Variants in ANKRD33B observed in about 807,000 individuals in gnomAD.
ANKRD33B encodes ankyrin repeat domain-containing protein 33B.
A neutral mutation model predicts 21.5 loss-of-function variants in ANKRD33B; 6 were observed. The observed-to-expected ratio is 0.28, with a 90% CI of 0.15 to 0.55. The LOEUF is 0.55. Among genes scored for constraint, ANKRD33B ranks in the 20% least tolerant of loss-of-function variants. ANKRD33B has a pLI of 0.94. For missense variants in ANKRD33B, 698 were observed against 747.2 expected (o/e 0.93, Z 0.77); for synonymous variants, 347 against 342.4 (o/e 1.01, Z -0.15).
Position 10,609,959 on chromosome 5 carries a change from G to T in ANKRD33B, c.367-8374G>T, listed in dbSNP as rs189669716. On this transcript the variant is annotated intron_variant, in intron 1 of 3. Transcript: ENST00000296657. ...AATTCATACTGATCAATGAGGAAAA[G>T]ACAAAGAAGCCAATGGGAAATGGAC... Among the ~76,000 whole-genome samples the T allele has an allele frequency of 6.6e-5, 10 of 151,894 alleles. No homozygotes were observed. In the East Asian group the frequency reaches 1.7e-3, roughly 26 times the overall value.
chr5:10,605,744 G>C (rs1019010495), intron 1 of ANKRD33B, among the ~76,000 whole-genome samples: 7 of 152,046 alleles, frequency 4.6e-5, no homozygotes, highest in Non-Finnish European at 1.0e-4. Flanking sequence ...GGCCAGGCTG[G>C]TCTCGAACAT....
chr5:10,579,913 C>T (rs905875859), intron 1 of ANKRD33B, among the ~76,000 whole-genome samples: 1 of 152,102 alleles, frequency 6.6e-6, no homozygotes, highest in African/African-American at 2.4e-5. Flanking sequence ...ACAATTATCC[C>T]CACAGTTAAT....
At chr5:10,618,183 C>G in intron 1 of ANKRD33B, 150 bp from the exon 2 acceptor site, 3 of 1,105,708 alleles carry the variant, frequency 2.7e-6, no homozygotes, top group South Asian at 1.5e-5. Flanking sequence ...CTGGCTCACT[C>G]TAAACCATCT....
chr5:10,623,607 A>G (rs1401508503), intron 2 of ANKRD33B, among the ~76,000 whole-genome samples: 1 of 152,210 alleles, frequency 6.6e-6, no homozygotes, highest in Admixed American at 6.5e-5. Flanking sequence ...GAGGACAGAA[A>G]CATTCAGACT....
chr5:10,577,402 C>T (rs1406484658), intron 1 of ANKRD33B, among the ~76,000 whole-genome samples: 2 of 152,222 alleles, frequency 1.3e-5, no homozygotes, highest in African/African-American at 4.8e-5. Flanking sequence ...AGATTACAGG[C>T]GTGAGCCACC....
intron 1 of ANKRD33B, 126 bp from the exon 2 acceptor site, chr5:10,618,207 C>T: frequency 7.7e-7 from 1 of 1,292,634 alleles, no homozygotes; most frequent in African/African-American, 1.5e-5. Flanking sequence ...AGAATTGGGA[C>T]TCCAGGTCCC....
intron 1 of ANKRD33B, among the ~76,000 whole-genome samples, chr5:10,575,532 G>A (rs908661582): frequency 4.6e-5 from 7 of 152,078 alleles, no homozygotes; most frequent in African/African-American, 1.7e-4. Context: ...TTTAGAGCTA[G>A]AGCTAAGGGT....
intron 2 of ANKRD33B, among the ~76,000 whole-genome samples, chr5:10,633,886 G>A (rs1736793973): frequency 6.6e-6 from 1 of 152,134 alleles, no homozygotes; most frequent in Non-Finnish European, 1.5e-5. Flanking sequence ...GGTCATGTTA[G>A]CAGATTTCTC....
At chr5:10,584,026 G>A (rs371466074) in intron 1 of ANKRD33B, among the ~76,000 whole-genome samples, 1 of 152,154 alleles carries the variant, frequency 6.6e-6, no homozygotes. Context: ...CCCAGTGCCC[G>A]GCGTGAGCAG....
intron 3 of ANKRD33B, among the ~76,000 whole-genome samples, chr5:10,647,198 G>A (rs1053609209): frequency 6.6e-6 from 1 of 151,744 alleles, no homozygotes; most frequent in Admixed American, 6.6e-5. Flanking sequence ...TCTGCCTCCC[G>A]GGTTGAAGCG....
intron 1 of ANKRD33B, among the ~76,000 whole-genome samples, chr5:10,608,673 A>C (rs1476922321): frequency 1.3e-5 from 2 of 152,024 alleles, no homozygotes; most frequent in African/African-American, 4.8e-5. Flanking sequence ...AAAAAAAAAA[A>C]AACTTGAAAC....
intron 1 of ANKRD33B, among the ~76,000 whole-genome samples, chr5:10,600,296 TC>T (rs1441838753): frequency 6.6e-6 from 1 of 152,258 alleles, no homozygotes; most frequent in East Asian, 1.9e-4. Flanking sequence ...AAGATATGAT[TC>T]CATTACCCCA....
rs367923295 is a variant in ANKRD33B, at chr5:10,625,002, C to T, written c.496+6540C>T. ...GCTTTGAAGATTTTATGCCTGATGACGGCAAAGGACCCCTCTCAGTGGGCA... is the reference window on the plus strand; with the variant it reads ...GCTTTGAAGATTTTATGCCTGATGATGGCAAAGGACCCCTCTCAGTGGGCA... On this transcript the variant is annotated intron_variant, in intron 2 of 3. Coordinates refer to ENST00000296657, the MANE Select transcript of ANKRD33B (RefSeq NM_001164440.2). 2.8e-4 allele frequency: 96 copies of T among 342,342 alleles called. 1 individual carries two copies. Among genetic ancestry groups the T allele is most frequent in the South Asian group, 2.0e-3 (92 of 44,980 alleles). The allele number at this position is 342,342 out of a possible 1,614,324, so 21.2% of individuals were successfully genotyped here. A position where few individuals can be genotyped will look rare whatever the true frequency, so the allele number is the denominator to read the frequency against.
At chr5:10,613,434 G>A (rs1736216137) in intron 1 of ANKRD33B, among the ~76,000 whole-genome samples, 1 of 151,866 alleles carries the variant, frequency 6.6e-6, no homozygotes, top group African/African-American at 2.4e-5. Context: ...ACAGGCTCCT[G>A]CCACCACGCC....
At chr5:10,606,486 A>T (rs1288596790) in intron 1 of ANKRD33B, among the ~76,000 whole-genome samples, 3 of 152,202 alleles carry the variant, frequency 2.0e-5, no homozygotes, top group Non-Finnish European at 2.9e-5. Flanking sequence ...CTGTAATCCC[A>T]GCACTTTGGG....
chr5:10,595,885 C>T (rs1735806513), intron 1 of ANKRD33B, among the ~76,000 whole-genome samples: 1 of 152,136 alleles, frequency 6.6e-6, no homozygotes, highest in Admixed American at 6.6e-5. Flanking sequence ...GGTGTGATGG[C>T]CTGAAAACAG....
intron 1 of ANKRD33B, among the ~76,000 whole-genome samples, chr5:10,580,788 A>C (rs1196286773): frequency 1.3e-5 from 2 of 152,020 alleles, no homozygotes; most frequent in African/African-American, 4.8e-5. Flanking sequence ...TTGCCCCTGG[A>C]CCAGGTCTTT....
chr5:10,647,318 C>T (rs187946466), intron 3 of ANKRD33B, among the ~76,000 whole-genome samples: 178 of 152,126 alleles, frequency 1.2e-3, no homozygotes, highest in African/African-American at 4.1e-3. Flanking sequence ...ATGTATTGGC[C>T]AGGTTGGTCC....
Position 10,609,406 on chromosome 5 carries a change from G to A in ANKRD33B, c.367-8927G>A, listed in dbSNP as rs370839316. 6.2e-4 allele frequency among the ~76,000 whole-genome samples: 95 copies of A among 152,166 alleles called. No homozygotes were observed. In the South Asian group the frequency reaches 0.018, roughly 29 times the overall value. On this transcript the variant is annotated intron_variant, in intron 1 of 3. Coordinates refer to ENST00000296657, the MANE Select transcript of ANKRD33B (RefSeq NM_001164440.2). ...CATCTCTACAAAAATACAAAAATTA[G>A]CTGGATGTGGTGGTGCTCACCCATA... is the stretch of plus-strand genomic sequence containing the variant.
Sources: allele counts gnomAD v4.1 joint callset (sites outside exome capture counted in the v4.1 genomes callset), GRCh38; gene constraint gnomAD v4.1.1; transcripts MANE v1.5; gene names NCBI Gene and HGNC (gene_info 2026-07-23, HGNC 2026-07-21).